The following KMT2C variants were observed in gnomAD, a reference collection of about 807,000 sequenced individuals.
KMT2C encodes the protein histone-lysine N-methyltransferase 2C.
KMT2C carries 88 observed loss-of-function variants against 507.9 expected under a neutral mutation model. That is an observed-to-expected ratio of 0.17 (90% CI 0.15 to 0.21). KMT2C has a LOEUF of 0.21. Among genes scored for constraint, KMT2C ranks in the 10% least tolerant of loss-of-function variants. KMT2C has a pLI of 1.00. For synonymous variants in KMT2C, 2,049 were observed against 2,080.8 expected (o/e 0.98, Z 0.42); for missense variants, 4,954 against 5,957.8 (o/e 0.83, Z 5.55).
chr7:152,199,711 A>G (rs541814579), intron 26 of KMT2C, among the ~76,000 whole-genome samples: 1 of 152,308 alleles, frequency 6.6e-6, no homozygotes, highest in East Asian at 1.9e-4. Flanking sequence ...AAACCACACA[A>G]TTATACCAAA....
chr7:152,330,576 A>G, intron 3 of KMT2C, 25 bp downstream of exon 3: 1 of 1,609,682 alleles, frequency 6.2e-7, no homozygotes, highest in Non-Finnish European at 8.5e-7. Flanking sequence ...ACTAATATCC[A>G]ATCCAGCTGC....
chr7:152,356,569 C>T (rs776252199), intron 2 of KMT2C, among the ~76,000 whole-genome samples: 1 of 148,626 alleles, frequency 6.7e-6, no homozygotes, highest in Non-Finnish European at 1.5e-5. Context: ...AAGGACGAAA[C>T]TCTGTCTCAA....
intron 7 of KMT2C, among the ~76,000 whole-genome samples, chr7:152,265,726 C>CT (rs2095849239): frequency 6.6e-6 from 1 of 151,568 alleles, no homozygotes. Context: ...CATATAAGGG[C>CT]TTTTTTTTAA....
intron 38 of KMT2C, among the ~76,000 whole-genome samples, chr7:152,175,625 T>C (rs1292173102): frequency 6.6e-6 from 1 of 152,120 alleles, no homozygotes; most frequent in Non-Finnish European, 1.5e-5. Context: ...GCTTCATCCA[T>C]GTCCTGTGTT....
intron 3 of KMT2C, among the ~76,000 whole-genome samples, chr7:152,328,542 T>C (rs1040578889): frequency 3.9e-5 from 6 of 152,134 alleles, no homozygotes; most frequent in African/African-American, 1.4e-4. Flanking sequence ...GTAGACATGG[T>C]AAGTACTTGA....
At chr7:152,279,662 TAAAC>T in intron 6 of KMT2C, among the ~76,000 whole-genome samples, 1 of 152,360 alleles carries the variant, frequency 6.6e-6, no homozygotes, top group African/African-American at 2.4e-5. Flanking sequence ...GGCATACTAT[TAAAC>T]ACACATTTCT....
intron 2 of KMT2C, among the ~76,000 whole-genome samples, chr7:152,352,116 G>A (rs1024224426): frequency 6.6e-6 from 1 of 152,196 alleles, no homozygotes; most frequent in Non-Finnish European, 1.5e-5. Context: ...GAAAGCAAAT[G>A]CATCCCTGAG....
chr7:152,152,280 G>A (rs2091690121), intron 49 of KMT2C, among the ~76,000 whole-genome samples: 1 of 152,180 alleles, frequency 6.6e-6, no homozygotes, highest in Admixed American at 6.5e-5. Flanking sequence ...CTATAGAGCT[G>A]GTGCAGAGGT....
intron 3 of KMT2C, among the ~76,000 whole-genome samples, chr7:152,319,931 C>T (rs891097465): frequency 6.6e-6 from 1 of 152,118 alleles, no homozygotes; most frequent in African/African-American, 2.4e-5. Context: ...ATGGCTCACA[C>T]TCCTTACCCT....
intron 23 of KMT2C, among the ~76,000 whole-genome samples, chr7:152,212,906 G>A (rs1157313715): frequency 3.3e-5 from 5 of 152,172 alleles, no homozygotes; most frequent in East Asian, 1.9e-4. Flanking sequence ...CCAGGCAGGC[G>A]TGGTGGCAGG....
intron 6 of KMT2C, among the ~76,000 whole-genome samples, chr7:152,303,768 A>C (rs1226354801): frequency 6.6e-6 from 1 of 152,158 alleles, no homozygotes; most frequent in Non-Finnish European, 1.5e-5. Flanking sequence ...CAGGCGGATC[A>C]CCTGAGGCCA....
In KMT2C at chr7:152,177,480, G is replaced by A; in HGVS notation, c.7973C>T (p.Ser2658Leu). The A allele has an allele frequency of 6.2e-7, 1 of 1,614,174 alleles. No homozygotes were observed. Among genetic ancestry groups the A allele is most frequent in the East Asian group, 2.2e-5 (1 of 44,874 alleles). Residue 2658 changes from serine (S) to leucine (L), a missense_variant, in exon 38 of 59, where the codon TCA becomes TTA. Coordinates refer to ENST00000262189, the MANE Select transcript of KMT2C (RefSeq NM_170606.3). ...TLNHPLGGEF[S>L]EAPLSTSVPS... Reference sequence around the variant, plus strand: ...TACAGATGTTGACAAAGGAGCTTCTGAAAATTCACCACCTAGTGGATGGTT... The same window carrying A: ...TACAGATGTTGACAAAGGAGCTTCTAAAAATTCACCACCTAGTGGATGGTT...
intron 11 of KMT2C, among the ~76,000 whole-genome samples, chr7:152,251,428 T>G (rs922114852): frequency 1.7e-4 from 26 of 152,226 alleles, no homozygotes; most frequent in African/African-American, 6.0e-4. Context: ...TTACAAAAGC[T>G]GCCACTCATA....
rs1196181588 is a variant in KMT2C at position 152,227,805 on chromosome 7, T to A, written c.2976+2118A>T. On this transcript the variant is annotated intron_variant, in intron 18 of 58. Transcript: ENST00000262189. ...AGACCCACAACCAGGGGAAAGTACA[T>A]CTACTGGGAATTTGTAAGCTGCACA... 4.6e-5 allele frequency among the ~76,000 whole-genome samples: 7 copies of A among 152,288 alleles called. No homozygotes were observed. The East Asian group carries it at 7.7e-4, about 17-fold the overall frequency.
At chr7:152,346,997 T>C (rs566327630) in intron 2 of KMT2C, among the ~76,000 whole-genome samples, 2 of 152,052 alleles carry the variant, frequency 1.3e-5, no homozygotes, top group African/African-American at 2.4e-5. Flanking sequence ...CGTGGTGGCA[T>C]GTGCCTATAA....
At chr7:152,334,533 C>T (rs2096915950) in intron 2 of KMT2C, among the ~76,000 whole-genome samples, 1 of 152,178 alleles carries the variant, frequency 6.6e-6, no homozygotes, top group African/African-American at 2.4e-5. Context: ...TAGTAGGACA[C>T]ATAACTGCTC....
chr7:152,259,863 C>A (rs1188415046), intron 9 of KMT2C, among the ~76,000 whole-genome samples: 1 of 152,188 alleles, frequency 6.6e-6, no homozygotes, highest in Non-Finnish European at 1.5e-5. Context: ...TAAATGCAAA[C>A]AAATGAGCAA....
In KMT2C at chr7:152,187,415, C is replaced by G. The variant is rs1298975095; in HGVS notation, c.4855G>C (p.Ala1619Pro). 1.9e-6 allele frequency: 3 copies of G among 1,614,086 alleles called. No individual in the cohort carries two copies. Among genetic ancestry groups the G allele is most frequent in the Non-Finnish European group, 2.5e-6 (3 of 1,179,996 alleles). Reference protein sequence around the residue: ...SDPNNSWTSSAPTVEGENDTM... With the variant: ...SDPNNSWTSSPPTVEGENDTM... Reference sequence around the variant, plus strand: ...TCATTTTCTCCTTCCACAGTGGGAGCTGATGATGTCCAAGAGTTGTTAGGA... The same window carrying G: ...TCATTTTCTCCTTCCACAGTGGGAGGTGATGATGTCCAAGAGTTGTTAGGA... The change falls in exon 33 of 59, where the codon GCT becomes CCT. Residue 1619 changes from alanine to proline, a missense_variant. This residue lies in a region of KMT2C where 195 missense variants were observed against 183.7 expected (regional missense o/e 1.06). Transcript: ENST00000262189.
chr7:152,163,194 A>G lies in KMT2C; in HGVS notation c.10383T>C (p.Asp3461=). ...IPFYSSDLPC[D]FMQPLGPLQQ... ...GAAGGGGTCCTAGAGGTTGCATAAAATCACAAGGTAAGTCGGAACTGTAGA... is the reference window on the plus strand; with the variant it reads ...GAAGGGGTCCTAGAGGTTGCATAAAGTCACAAGGTAAGTCGGAACTGTAGA... The change falls in exon 43 of 59, where the codon GAT becomes GAC. Residue 3461 remains aspartate (D), a synonymous_variant. Transcript: ENST00000262189. The G allele has an allele frequency of 6.2e-7, 1 of 1,614,212 alleles. No individual in the cohort carries two copies. The highest frequency in any genetic ancestry group is 8.5e-7 in the Non-Finnish European group (1 of 1,180,040).
Sources: gnomAD v4.1 joint callset for allele counts (sites outside exome capture counted in the v4.1 genomes callset) on GRCh38, gnomAD v4.1.1 for gene constraint, gnomAD v4.1.1 regional missense constraint, MANE v1.5 for transcripts, NCBI Gene and HGNC (gene_info 2026-07-23, HGNC 2026-07-21) for gene names.